Variants in HOMER1 observed in about 807,000 individuals in gnomAD.
HOMER1 encodes the protein homer scaffold protein 1, also known as homer protein homolog 1.
Under a neutral mutation model 48.9 loss-of-function variants are expected in HOMER1, and 3 were observed. The observed-to-expected ratio is 0.06, with a 90% CI of 0.03 to 0.16. The LOEUF (loss-of-function observed/expected upper bound fraction) is 0.16, where lower values mean the gene tolerates loss of function less well. HOMER1 is among the 10% of genes least tolerant of loss of function. The pLI, the probability that HOMER1 is intolerant of heterozygous loss-of-function variation, is 1.00. For missense variants in HOMER1, 247 were observed against 411.4 expected (o/e 0.60, Z 3.46); for synonymous variants, 134 against 146.4 (o/e 0.92, Z 0.61).
chr5:79,379,333 TA>T (rs1561340671), intron 8 of HOMER1, among the ~76,000 whole-genome samples: 1 of 108,932 alleles, frequency 9.2e-6, no homozygotes, highest in Non-Finnish European at 1.7e-5. Context: ...TATTTATATA[TA>T]TTTATATATT....
At chr5:79,378,832 A>G (rs1011842599) in intron 8 of HOMER1, among the ~76,000 whole-genome samples, 1 of 151,712 alleles carries the variant, frequency 6.6e-6, no homozygotes, top group Non-Finnish European at 1.5e-5. Context: ...AAAACACAAA[A>G]TTCCCTCAGC....
chr5:79,512,786 A>G lies in HOMER1; in HGVS notation c.-12T>C. 2 of 1,613,706 alleles carry G rather than the reference A, an allele frequency of 1.2e-6. No individual in the cohort carries two copies. The highest frequency in any genetic ancestry group is 1.7e-6 in the Non-Finnish European group (2 of 1,179,700). On this transcript the variant is annotated 5_prime_UTR_variant, in exon 1 of 9. Transcript: ENST00000334082. ...AATCCTTACCCCATTTTGCCCAATG[A>G]AAACTTGCTCTGAAGTTTCAGCTCT...
At chr5:79,412,080 C>T (rs1038187004) in intron 5 of HOMER1, among the ~76,000 whole-genome samples, 27 of 152,166 alleles carry the variant, frequency 1.8e-4, no homozygotes, top group Non-Finnish European at 2.9e-5. Flanking sequence ...GATCATGCCA[C>T]AGCACTCCAG....
At chr5:79,409,174 T>C (rs1480679508) in intron 5 of HOMER1, among the ~76,000 whole-genome samples, 2 of 146,822 alleles carry the variant, frequency 1.4e-5, no homozygotes, top group Non-Finnish European at 3.0e-5. Flanking sequence ...GGCTCATGCC[T>C]ATAATCCCAG....
intron 6 of HOMER1, among the ~76,000 whole-genome samples, chr5:79,399,264 A>C (rs1244710878): frequency 1.3e-5 from 2 of 152,156 alleles, no homozygotes; most frequent in Admixed American, 6.6e-5. Context: ...GCCTGAAGGT[A>C]CTCTGCAGTC....
chr5:79,410,320 C>T (rs775762424), intron 5 of HOMER1, among the ~76,000 whole-genome samples: 9 of 151,784 alleles, frequency 5.9e-5, no homozygotes, highest in East Asian at 2.0e-4. Flanking sequence ...GGAGAAACCA[C>T]GTCTCTACTA....
At chr5:79,432,975 A>G (rs1197113570) in intron 5 of HOMER1, among the ~76,000 whole-genome samples, 1 of 152,192 alleles carries the variant, frequency 6.6e-6, no homozygotes, top group Non-Finnish European at 1.5e-5. Flanking sequence ...ATTTAAGTCA[A>G]TTATTAAAGA....
chr5:79,476,240 G>A (rs868750343), intron 1 of HOMER1, among the ~76,000 whole-genome samples: 1 of 152,042 alleles, frequency 6.6e-6, no homozygotes, highest in Non-Finnish European at 1.5e-5. Flanking sequence ...AATTCTGAGT[G>A]GAAAAAAAAC....
chr5:79,373,564 C>T lies in HOMER1; in HGVS notation c.*2445G>A, dbSNP rs2112176065. ...CAGAAATGGAAAAAACTACAGTAGGCACACAACCTAATTATGACTTGTGGA... is the reference window on the plus strand; with the variant it reads ...CAGAAATGGAAAAAACTACAGTAGGTACACAACCTAATTATGACTTGTGGA... On this transcript the variant is annotated 3_prime_UTR_variant, in exon 9 of 9. Transcript: ENST00000334082. 1.3e-5 allele frequency: 2 copies of T among 151,856 alleles called. No individual in the cohort carries two copies. The highest frequency in any genetic ancestry group is 6.8e-3 in the Middle Eastern group (2 of 294). The allele number at this position is 151,856 out of a possible 1,614,324, so 9.4% of individuals were successfully genotyped here.
intron 1 of HOMER1, among the ~76,000 whole-genome samples, chr5:79,485,666 G>A (rs1752079367): frequency 1.3e-5 from 2 of 152,268 alleles, no homozygotes; most frequent in African/African-American, 2.4e-5. Context: ...GTGTTACCAA[G>A]GAAAATGAAG....
chr5:79,445,404 A>C (rs1158310684), intron 4 of HOMER1, among the ~76,000 whole-genome samples: 1 of 152,250 alleles, frequency 6.6e-6, no homozygotes, highest in South Asian at 2.1e-4. Flanking sequence ...GTGGCATTCT[A>C]TATTAATCAT....
At position 79,510,628 on chromosome 5, in the gene HOMER1, G is replaced by A. The variant is rs951502773; in HGVS notation, c.5+2142C>T. 1.4e-5 allele frequency: 13 copies of A among 908,016 alleles called. No homozygotes were observed. In the African/African-American group the frequency reaches 1.9e-4, roughly 14 times the overall value. 56.2% of individuals were successfully genotyped at this position (908,016 alleles called of 1,614,324 possible). A position where few individuals can be genotyped will look rare whatever the true frequency, so the allele number is the denominator to read the frequency against. ...TGCAGGCTAACAGTGCCAAGGCCAT[G>A]AGTGCACATGCCAAGGCTATCAAGG... On this transcript the variant is annotated intron_variant, in intron 1 of 8. Transcript: ENST00000334082.
At chr5:79,400,073 C>A (rs1749491504) in intron 6 of HOMER1, among the ~76,000 whole-genome samples, 1 of 102,480 alleles carries the variant, frequency 9.8e-6, no homozygotes, top group South Asian at 4.3e-4. Context: ...CTGGCTATGA[C>A]AATTGTCATA....
Position 79,461,218 on chromosome 5 carries a change from A to G in HOMER1, c.6-4200T>C, listed in dbSNP as rs554018564. Among the ~76,000 whole-genome samples the G allele has an allele frequency of 2.0e-5, 3 of 152,350 alleles. No homozygotes were observed. In the South Asian group the frequency reaches 6.2e-4, roughly 32 times the overall value. On this transcript the variant is annotated intron_variant, in intron 1 of 8. Coordinates refer to ENST00000334082, the MANE Select transcript of HOMER1 (RefSeq NM_004272.5). Reference sequence around the variant, plus strand: ...TATCTAAAATCTTTAAGAGATTTACATATAACTGAACTCTTAAAAAGCTAT... The same window carrying G: ...TATCTAAAATCTTTAAGAGATTTACGTATAACTGAACTCTTAAAAAGCTAT...
chr5:79,456,730 G>T, intron 2 of HOMER1, 132 bp downstream of exon 2: 1 of 762,640 alleles, frequency 1.3e-6, no homozygotes, highest in Non-Finnish European at 2.0e-6. Flanking sequence ...AATCCATTTT[G>T]TTTCTTAAAA....
chr5:79,392,661 G>C (rs1054877329), intron 8 of HOMER1, among the ~76,000 whole-genome samples: 1 of 152,108 alleles, frequency 6.6e-6, no homozygotes, highest in Non-Finnish European at 1.5e-5. Flanking sequence ...TGTAGTCTAA[G>C]TGCAGTGTTG....
chr5:79,494,639 C>T (rs1001050043), intron 1 of HOMER1, among the ~76,000 whole-genome samples: 13 of 152,104 alleles, frequency 8.5e-5, no homozygotes, highest in Admixed American at 3.9e-4. Context: ...GAGGCCAAGG[C>T]GGGTGGAACA....
At chr5:79,482,868 T>C (rs1301332587) in intron 1 of HOMER1, among the ~76,000 whole-genome samples, 1 of 151,026 alleles carries the variant, frequency 6.6e-6, no homozygotes, top group Admixed American at 6.6e-5. Context: ...CTGGACATGG[T>C]GGCTCACACC....
At chr5:79,388,311 A>G (rs1749167229) in intron 8 of HOMER1, among the ~76,000 whole-genome samples, 1 of 152,194 alleles carries the variant, frequency 6.6e-6, no homozygotes, top group Admixed American at 6.5e-5. Flanking sequence ...AAACTATTAA[A>G]GGACATACAA....
Sources: gnomAD v4.1 joint callset for allele counts (sites outside exome capture counted in the v4.1 genomes callset) on GRCh38, gnomAD v4.1.1 for gene constraint, MANE v1.5 for transcripts, NCBI Gene and HGNC (gene_info 2026-07-23, HGNC 2026-07-21) for gene names.